Variants in SORCS3 observed in about 807,000 individuals in gnomAD.
SORCS3 encodes sortilin related VPS10 domain containing receptor 3, also known as VPS10 domain-containing receptor SorCS3.
SORCS3 carries 57 observed loss-of-function variants against 146.3 expected under a neutral mutation model. The observed-to-expected ratio is 0.39, with a 90% CI of 0.31 to 0.49. SORCS3 has a LOEUF of 0.49. SORCS3 is among the 20% of genes least tolerant of loss of function. The pLI is 0.92. For synonymous variants in SORCS3, 653 were observed against 618.5 expected (o/e 1.06, Z -0.83); for missense variants, 1,341 against 1,575.5 (o/e 0.85, Z 2.52).
intron 5 of SORCS3, among the ~76,000 whole-genome samples, chr10:105,061,658 A>C (rs1213160768): frequency 6.6e-6 from 1 of 151,726 alleles, no homozygotes; most frequent in Non-Finnish European, 1.5e-5. Context: ...ATCTCAAAAA[A>C]AAAAAAAAAA....
chr10:105,114,490 T>G (rs1307305925), intron 7 of SORCS3, among the ~76,000 whole-genome samples: 1 of 152,154 alleles, frequency 6.6e-6, no homozygotes, highest in East Asian at 1.9e-4. Flanking sequence ...CCCTGTGAGA[T>G]GAGGTGCTGC....
intron 1 of SORCS3, among the ~76,000 whole-genome samples, chr10:104,760,396 T>TAGA (rs2017106228): frequency 2.6e-5 from 4 of 152,194 alleles, no homozygotes; most frequent in African/African-American, 9.6e-5. Flanking sequence ...AATTGCTTCT[T>TAGA]AGGCAACCTC....
intron 4 of SORCS3, among the ~76,000 whole-genome samples, chr10:104,986,502 C>T (rs1301425471): frequency 6.6e-6 from 1 of 152,194 alleles, no homozygotes; most frequent in Non-Finnish European, 1.5e-5. Context: ...AAAAACTTTT[C>T]CTTTGCATTC....
At chr10:104,968,174 G>C (rs112239598) in intron 3 of SORCS3, among the ~76,000 whole-genome samples, 10,656 of 152,204 alleles carry the variant, frequency 0.07, 1,221 homozygotes, top group African/African-American at 0.24. Flanking sequence ...GGAGTGTAAT[G>C]GTGCAATCTC....
chr10:104,788,579 C>T (rs749401210), intron 1 of SORCS3, among the ~76,000 whole-genome samples: 4 of 152,134 alleles, frequency 2.6e-5, no homozygotes, highest in Non-Finnish European at 5.9e-5. Context: ...AAAGGGGAGC[C>T]AGAAAAGCTT....
At chr10:104,780,356 G>A (rs1418997877) in intron 1 of SORCS3, among the ~76,000 whole-genome samples, 3 of 152,100 alleles carry the variant, frequency 2.0e-5, no homozygotes, top group Non-Finnish European at 2.9e-5. Flanking sequence ...TGAAGAGGAA[G>A]GGAGGTGGAA....
At chr10:105,109,108 C>T (rs2055842277) in intron 7 of SORCS3, among the ~76,000 whole-genome samples, 1 of 152,126 alleles carries the variant, frequency 6.6e-6, no homozygotes, top group Non-Finnish European at 1.5e-5. Flanking sequence ...ACTGAATCTT[C>T]TATTTCTGGA....
At chr10:104,981,540 A>G (rs894871215) in intron 4 of SORCS3, among the ~76,000 whole-genome samples, 26 of 152,116 alleles carry the variant, frequency 1.7e-4, no homozygotes, top group African/African-American at 5.8e-4. Flanking sequence ...TTACACTGTG[A>G]TGTGTTTAGA....
intron 2 of SORCS3, among the ~76,000 whole-genome samples, chr10:104,858,784 G>C (rs1271493399): frequency 1.3e-5 from 2 of 151,712 alleles, no homozygotes; most frequent in Admixed American, 6.6e-5. Context: ...ACCACGCCTG[G>C]CTAATTTTTT....
chr10:105,053,628 A>G (rs1239716523), intron 5 of SORCS3, among the ~76,000 whole-genome samples: 1 of 151,870 alleles, frequency 6.6e-6, no homozygotes, highest in Admixed American at 6.6e-5. Flanking sequence ...AATATTTTTC[A>G]TTCAGATCAT....
chr10:105,212,495 A>C (rs2056639721), intron 17 of SORCS3, among the ~76,000 whole-genome samples: 1 of 152,218 alleles, frequency 6.6e-6, no homozygotes, highest in African/African-American at 2.4e-5. Context: ...GCAGGTTAAA[A>C]CAGAATTATA....
chr10:104,958,058 G>GA (rs1263694903), intron 3 of SORCS3, among the ~76,000 whole-genome samples: 3 of 152,036 alleles, frequency 2.0e-5, no homozygotes, highest in Non-Finnish European at 4.4e-5. Flanking sequence ...GTTAAAAAAA[G>GA]AAAAAAATCT....
intron 1 of SORCS3, among the ~76,000 whole-genome samples, chr10:104,745,421 A>G (rs2016896014): frequency 6.6e-6 from 1 of 152,240 alleles, no homozygotes; most frequent in Non-Finnish European, 1.5e-5. Flanking sequence ...TGGCTGACAT[A>G]CAAAAAGCGG....
In SORCS3 at chr10:104,842,815, G is replaced by A; in HGVS notation, c.651G>A (p.Leu217=). Residue 217 remains leucine, a synonymous_variant, in exon 2 of 27, where the codon CTG becomes CTA. Coordinates refer to ENST00000369701, the MANE Select transcript of SORCS3 (RefSeq NM_014978.3). ...NSSVILILTK[L]YDFNLGSVTE... ...AGGTCATACTTATCCTGACGAAGCT[G>A]TATGACTTCAACCTGGGCAGCGTGA... 1 of 1,613,906 alleles carries A rather than the reference G, an allele frequency of 6.2e-7. No individual in the cohort carries two copies. The highest frequency in any genetic ancestry group is 1.1e-5 in the South Asian group (1 of 91,066).
chr10:104,945,667 A>G (rs956342179), intron 3 of SORCS3, among the ~76,000 whole-genome samples: 74 of 151,218 alleles, frequency 4.9e-4, no homozygotes, highest in Middle Eastern at 6.8e-3. Context: ...GAACCTATGC[A>G]TGTTGACTTT....
chr10:104,893,968 G>A lies in SORCS3; in HGVS notation c.696-21865G>A, dbSNP rs146411563. ...ACCGGCAAATTCATTTCATTGTTTA[G>A]CTATGTCTACTCCCTGTCAATAAAT... is the stretch of plus-strand genomic sequence containing the variant. On this transcript the variant is annotated intron_variant, in intron 2 of 26. Transcript: ENST00000369701. Among the ~76,000 whole-genome samples, 844 of 152,218 alleles carry A rather than the reference G, an allele frequency of 5.5e-3. 14 individuals are homozygous for A. The highest frequency in any genetic ancestry group is 0.019 in the African/African-American group (783 of 41,552).
chr10:104,738,189 G>A (rs1453945368), intron 1 of SORCS3, among the ~76,000 whole-genome samples: 2 of 152,224 alleles, frequency 1.3e-5, no homozygotes, highest in South Asian at 2.1e-4. Flanking sequence ...GTGAAGTCAG[G>A]TAGCCTGATG....
intron 22 of SORCS3, among the ~76,000 whole-genome samples, chr10:105,251,200 G>A (rs904702373): frequency 5.9e-5 from 9 of 152,148 alleles, no homozygotes; most frequent in Non-Finnish European, 8.8e-5. Flanking sequence ...CAATCATGGC[G>A]GAAGGCACCC....
chr10:104,699,104 A>G (rs995668752), intron 1 of SORCS3, among the ~76,000 whole-genome samples: 3 of 152,184 alleles, frequency 2.0e-5, no homozygotes, highest in Non-Finnish European at 4.4e-5. Context: ...TGCCCAAATC[A>G]CTGATTCCTG....
Sources: allele counts gnomAD v4.1 joint callset (sites outside exome capture counted in the v4.1 genomes callset), GRCh38; gene constraint gnomAD v4.1.1; transcripts MANE v1.5; gene names NCBI Gene and HGNC (gene_info 2026-07-23, HGNC 2026-07-21).